The following LEPR variants were observed in gnomAD, a reference collection of about 807,000 sequenced individuals.
LEPR encodes the protein leptin receptor, also known as OB receptor.
In LEPR, 56 loss-of-function variants were observed where a neutral mutation model predicts 114.7. The ratio of observed to expected loss-of-function variants is 0.49; its 90% CI spans 0.39 to 0.61. The LOEUF is 0.61. LEPR is among the 20% of genes least tolerant of loss of function. The pLI is 0.00. For missense variants in LEPR, 1,202 were observed against 1,352.9 expected (o/e 0.89, Z 1.75); for synonymous variants, 443 against 461.4 (o/e 0.96, Z 0.51).
At position 65,488,107 on chromosome 1, in the gene LEPR, C is replaced by CTCTTTCTTTCTT. The variant is rs1202835041; in HGVS notation, c.-21+62740_-21+62751dup. ...TCTTCCTTTCTTTCCTTCTTTCTTTCTCTTTCTTTCTTTCTTTCTTTCCCT... is the reference window on the plus strand; with the variant it reads ...TCTTCCTTTCTTTCCTTCTTTCTTTCTCTTTCTTTCTTTCTTTCTTTCTTTCTTTCTTTCCCT... On this transcript the variant is annotated intron_variant, in intron 2 of 19. Transcript: ENST00000349533. 5.0e-3 allele frequency among the ~76,000 whole-genome samples: 613 copies of CTCTTTCTTTCTT among 121,570 alleles called. 10 individuals carry two copies. Among genetic ancestry groups the CTCTTTCTTTCTT allele is most frequent in the African/African-American group, 0.02 (569 of 27,942 alleles). The allele number at this position is 121,570 out of a possible 152,430, so 79.8% of individuals were successfully genotyped here.
chr1:65,589,498 A>G (rs375875431), intron 5 of LEPR, among the ~76,000 whole-genome samples: 5 of 152,166 alleles, frequency 3.3e-5, no homozygotes, highest in African/African-American at 1.2e-4. Flanking sequence ...AATTAACACA[A>G]GGTCACAAAA....
At chr1:65,528,986 T>G (rs1650178709) in intron 2 of LEPR, among the ~76,000 whole-genome samples, 1 of 133,960 alleles carries the variant, frequency 7.5e-6, no homozygotes, top group African/African-American at 2.8e-5. Context: ...TTTTTTTTTT[T>G]GTATTTTTAG....
At chr1:65,449,069 T>C (rs1330132280) in intron 2 of LEPR, among the ~76,000 whole-genome samples, 1 of 152,172 alleles carries the variant, frequency 6.6e-6, no homozygotes, top group Admixed American at 6.5e-5. Flanking sequence ...AATTTTTGTA[T>C]TTTTAGTAGA....
At chr1:65,569,491 G>A (rs1654001024) in intron 3 of LEPR, among the ~76,000 whole-genome samples, 1 of 152,046 alleles carries the variant, frequency 6.6e-6, no homozygotes, top group African/African-American at 2.4e-5. Context: ...CGGATCACCT[G>A]AGGTCAGGAG....
At chr1:65,564,347 C>A (rs369658291) in intron 2 of LEPR, among the ~76,000 whole-genome samples, 1 of 142,024 alleles carries the variant, frequency 7.0e-6, no homozygotes, top group South Asian at 2.4e-4. Flanking sequence ...TTCTTTGACT[C>A]GGAAAGGGAA....
intron 2 of LEPR, among the ~76,000 whole-genome samples, chr1:65,522,411 A>G (rs930947221): frequency 6.6e-6 from 1 of 152,088 alleles, no homozygotes; most frequent in African/African-American, 2.4e-5. Flanking sequence ...TGGCCACACG[A>G]CTGGTGCGGG....
At chr1:65,524,971 C>A (rs1402614692) in intron 2 of LEPR, among the ~76,000 whole-genome samples, 1 of 152,136 alleles carries the variant, frequency 6.6e-6, no homozygotes, top group Non-Finnish European at 1.5e-5. Context: ...TCAGACTGTT[C>A]AAGAGTACTT....
At chr1:65,470,065 T>C (rs1647064432) in intron 2 of LEPR, among the ~76,000 whole-genome samples, 2 of 152,250 alleles carry the variant, frequency 1.3e-5, no homozygotes, top group Non-Finnish European at 2.9e-5. Flanking sequence ...TTGCTTTCCT[T>C]ATCCTCCCTT....
Position 65,493,521 on chromosome 1 carries a change from A to T in LEPR, c.-21+68143A>T, listed in dbSNP as rs553981488. Among the ~76,000 whole-genome samples the T allele has an allele frequency of 5.0e-4, 76 of 152,088 alleles. 2 individuals carry two copies. The South Asian group carries it at 0.014, about 28-fold the overall frequency. ...TGGTCAGTCAATTATCTTTATAGAT[A>T]TTTTTTTCATTAAAATTAAAAAATT... On this transcript the variant is annotated intron_variant, in intron 2 of 19. Coordinates refer to ENST00000349533, the MANE Select transcript of LEPR (RefSeq NM_002303.6).
At chr1:65,484,195 G>A (rs2025805) in intron 2 of LEPR, among the ~76,000 whole-genome samples, 49,050 of 151,840 alleles carry the variant, frequency 0.32, 10,117 homozygotes, top group Non-Finnish European at 0.46. Flanking sequence ...CCGTCCACTA[G>A]GCTACTATTG....
At chr1:65,458,158 G>A (rs72681330) in intron 2 of LEPR, among the ~76,000 whole-genome samples, 44,544 of 152,068 alleles carry the variant, frequency 0.29, 8,364 homozygotes, top group Non-Finnish European at 0.42. Context: ...TTCATACTGA[G>A]GGACAAATTA....
At chr1:65,582,436 G>T (rs1655051789) in intron 5 of LEPR, among the ~76,000 whole-genome samples, 1 of 152,172 alleles carries the variant, frequency 6.6e-6, no homozygotes, top group African/African-American at 2.4e-5. Flanking sequence ...GTTCCTCCCT[G>T]GCTATCGGCT....
chr1:65,424,389 G>A (rs1424162840), intron 1 of LEPR, among the ~76,000 whole-genome samples: 1 of 152,198 alleles, frequency 6.6e-6, no homozygotes, highest in African/African-American at 2.4e-5. Context: ...ACATTTAGAA[G>A]CTGTTGGAAT....
chr1:65,426,832 A>G (rs998779903), intron 2 of LEPR, among the ~76,000 whole-genome samples: 1 of 152,154 alleles, frequency 6.6e-6, no homozygotes, highest in African/African-American at 2.4e-5. Context: ...CCCCATCTCT[A>G]CTAAAAATAC....
At chr1:65,468,786 C>T (rs1647047284) in intron 2 of LEPR, among the ~76,000 whole-genome samples, 2 of 152,180 alleles carry the variant, frequency 1.3e-5, no homozygotes. Context: ...GCATTGTGTA[C>T]ATGCAAACTC....
intron 1 of LEPR, among the ~76,000 whole-genome samples, chr1:65,422,659 A>G (rs575893026): frequency 6.6e-6 from 1 of 152,344 alleles, no homozygotes; most frequent in African/African-American, 2.4e-5. Context: ...AAGGTGGAGT[A>G]TATCCCAAGT....
chr1:65,621,510 C>A, intron 18 of LEPR, 52 bp downstream of exon 18: 1 of 1,464,462 alleles, frequency 6.8e-7, no homozygotes, highest in South Asian at 1.1e-5. Context: ...TACGCGTATT[C>A]AAACCCTGAT....
At chr1:65,571,743 C>G (rs556444371) in intron 4 of LEPR, among the ~76,000 whole-genome samples, 2 of 132,540 alleles carry the variant, frequency 1.5e-5, no homozygotes, top group African/African-American at 5.7e-5. Context: ...CACTTGAGCT[C>G]AGGAGTTAGA....
At chr1:65,466,679 G>T (rs1259910762) in intron 2 of LEPR, among the ~76,000 whole-genome samples, 3 of 152,012 alleles carry the variant, frequency 2.0e-5, no homozygotes, top group Non-Finnish European at 4.4e-5. Flanking sequence ...ATGTAGATTT[G>T]GTCTTTTCAC....
Sources: allele counts gnomAD v4.1 joint callset (sites outside exome capture counted in the v4.1 genomes callset), GRCh38; gene constraint gnomAD v4.1.1; transcripts MANE v1.5; gene names NCBI Gene and HGNC (gene_info 2026-07-23, HGNC 2026-07-21).